VOPP1: variants seen among roughly 807,000 people sequenced by gnomAD.
The protein encoded by VOPP1 is WW domain binding protein VOPP1.
Under a neutral mutation model 23.5 loss-of-function variants are expected in VOPP1, and 8 were observed. The ratio of observed to expected loss-of-function variants is 0.34; its 90% CI spans 0.20 to 0.61. The LOEUF is 0.61. VOPP1 is among the 20% of genes least tolerant of loss of function. The probability of loss-of-function intolerance (pLI) is 0.78; values close to 1 mark genes in which losing one functional copy is unlikely to be tolerated. For synonymous variants in VOPP1, 83 were observed against 97.3 expected, an observed-to-expected ratio of 0.85 and a Z score of 0.86; for missense variants, 174 against 238.1, an observed-to-expected ratio of 0.73 and a Z score of 1.77.
chr7:55,534,820 G>C (rs908401758), intron 1 of VOPP1, among the ~76,000 whole-genome samples: 1 of 152,200 alleles, frequency 6.6e-6, no homozygotes, highest in Admixed American at 6.5e-5. Flanking sequence ...TTTGGGGAAA[G>C]TACCACCGCC....
intron 1 of VOPP1, among the ~76,000 whole-genome samples, chr7:55,543,691 A>G (rs1245138572): frequency 6.8e-6 from 1 of 147,312 alleles, no homozygotes; most frequent in Non-Finnish European, 1.5e-5. Context: ...CCTGTTGGCC[A>G]TTTACATGGT....
intron 4 of VOPP1, among the ~76,000 whole-genome samples, chr7:55,478,948 A>T (rs1282341660): frequency 1.3e-5 from 2 of 151,948 alleles, no homozygotes; most frequent in Admixed American, 6.6e-5. Flanking sequence ...TTGGAGGGGG[A>T]AGAGCTGAGG....
At chr7:55,468,288 AG>A (rs141847912), downstream of VOPP1, among the ~76,000 whole-genome samples, 6 of 150,852 alleles carry the variant, frequency 4.0e-5, no homozygotes, top group East Asian at 7.8e-4. Context: ...AAAAAAAAAA[AG>A]AAAAAAAAAG....
intron 4 of VOPP1, among the ~76,000 whole-genome samples, chr7:55,457,842 T>C (rs981507704): frequency 6.6e-6 from 1 of 152,166 alleles, no homozygotes; most frequent in African/African-American, 2.4e-5. Flanking sequence ...ATTCTCAATA[T>C]TAGTCCCTTG....
chr7:55,493,750 T>A (rs144342563), intron 3 of VOPP1, among the ~76,000 whole-genome samples: 1,769 of 152,214 alleles, frequency 0.012, 12 homozygotes, highest in Middle Eastern at 0.02. Context: ...ATACCAACTT[T>A]TACAATTATT....
At chr7:55,445,548 T>G (rs528101988) in intron 4 of VOPP1, among the ~76,000 whole-genome samples, 1 of 152,350 alleles carries the variant, frequency 6.6e-6, no homozygotes, top group East Asian at 1.9e-4. Flanking sequence ...CTTTTATGTT[T>G]CTTTCATCTC....
chr7:55,520,955 C>A, intron 2 of VOPP1, 117 bp downstream of exon 2: 2 of 1,090,322 alleles, frequency 1.8e-6, no homozygotes, highest in South Asian at 3.1e-5. Flanking sequence ...CCTGGCACCG[C>A]AGCAGAGGCT....
At chr7:55,528,514 A>G (rs1223401294) in intron 1 of VOPP1, among the ~76,000 whole-genome samples, 1 of 152,172 alleles carries the variant, frequency 6.6e-6, no homozygotes, top group Non-Finnish European at 1.5e-5. Flanking sequence ...GTAAAACCCC[A>G]TCTGTACTAA....
chr7:55,518,053 CATG>C (rs1453529340), intron 2 of VOPP1, among the ~76,000 whole-genome samples: 2 of 152,202 alleles, frequency 1.3e-5, no homozygotes, highest in Non-Finnish European at 2.9e-5. Flanking sequence ...GCACTAATCT[CATG>C]AGCATATGTA....
chr7:55,494,856 A>G (rs1416296616), intron 3 of VOPP1, among the ~76,000 whole-genome samples: 1 of 152,134 alleles, frequency 6.6e-6, no homozygotes, highest in Admixed American at 6.6e-5. Context: ...GCTGGGAGAG[A>G]GGAGTAGTAG....
chr7:55,503,719 G>A (rs1794523649), intron 2 of VOPP1, among the ~76,000 whole-genome samples: 1 of 152,110 alleles, frequency 6.6e-6, no homozygotes, highest in Admixed American at 6.5e-5. Flanking sequence ...CCATGAAGAG[G>A]GCTTGCTGCT....
intron 4 of VOPP1, among the ~76,000 whole-genome samples, chr7:55,484,681 G>A (rs1184505582): frequency 1.3e-5 from 2 of 152,148 alleles, no homozygotes; most frequent in African/African-American, 2.4e-5. Context: ...GAGAGAAAAG[G>A]CATCCCAGAA....
intron 4 of VOPP1, among the ~76,000 whole-genome samples, chr7:55,450,490 T>C (rs551079700): frequency 6.6e-6 from 1 of 152,360 alleles, no homozygotes; most frequent in South Asian, 2.1e-4. Context: ...GTATGTGTTA[T>C]ACAAACTGGA....
At chr7:55,476,406 C>T (rs1413492088) in intron 4 of VOPP1, among the ~76,000 whole-genome samples, 1 of 142,486 alleles carries the variant, frequency 7.0e-6, no homozygotes, top group African/African-American at 2.6e-5. Context: ...CTCTCTAGCC[C>T]AGCTGACTGG....
chr7:55,494,985 C>T (rs1793851279), intron 3 of VOPP1, among the ~76,000 whole-genome samples: 1 of 151,754 alleles, frequency 6.6e-6, no homozygotes, highest in African/African-American at 2.4e-5. Context: ...AGGTTTGTGC[C>T]TTTTTTTTAA....
At chr7:55,481,555 C>T (rs892243508) in intron 4 of VOPP1, among the ~76,000 whole-genome samples, 6 of 152,198 alleles carry the variant, frequency 3.9e-5, no homozygotes, top group Admixed American at 6.5e-5. Context: ...GGAAAGAGGG[C>T]GGAGGAAAGA....
Position 55,572,461 on chromosome 7 carries a change from G to C in VOPP1, c.-137C>G, listed in dbSNP as rs1053772277. 4 of 518,732 alleles carry C rather than the reference G, an allele frequency of 7.7e-6. No individual in the cohort carries two copies. The highest frequency in any genetic ancestry group is 1.7e-4 in the South Asian group (2 of 12,084). The allele number at this position is 518,732 out of a possible 1,614,324, so 32.1% of individuals were successfully genotyped here. A position where few individuals can be genotyped will look rare whatever the true frequency, so the allele number is the denominator to read the frequency against. ...ACCGCTGGGGGGCCCGGCTGGGAGCGGGCGGGAGCCGGGGCGCGCCGCGCA... is the reference window on the plus strand; with the variant it reads ...ACCGCTGGGGGGCCCGGCTGGGAGCCGGCGGGAGCCGGGGCGCGCCGCGCA... On this transcript the variant is annotated 5_prime_UTR_variant, in exon 1 of 5. Coordinates refer to ENST00000285279, the MANE Select transcript of VOPP1 (RefSeq NM_030796.5).
At chr7:55,454,331 C>T (rs1044904418) in intron 4 of VOPP1, among the ~76,000 whole-genome samples, 2 of 152,086 alleles carry the variant, frequency 1.3e-5, no homozygotes, top group Admixed American at 6.5e-5. Context: ...AATGAAAGTC[C>T]AGGACCAGAG....
intron 1 of VOPP1, among the ~76,000 whole-genome samples, chr7:55,571,453 A>G (rs1798351257): frequency 6.6e-6 from 1 of 152,222 alleles, no homozygotes; most frequent in African/African-American, 2.4e-5. Context: ...TAATGAAACT[A>G]AGGAGAAAGT....
Sources: gnomAD v4.1 joint callset for allele counts (sites outside exome capture counted in the v4.1 genomes callset) on GRCh38, gnomAD v4.1.1 for gene constraint, MANE v1.5 for transcripts, NCBI Gene and HGNC (gene_info 2026-07-23, HGNC 2026-07-21) for gene names.